The following HDAC9 variants were observed in gnomAD, a reference collection of about 807,000 sequenced individuals.
HDAC9 encodes the protein MEF-2 interacting transcription repressor (MITR) protein.
A neutral mutation model predicts 139.4 loss-of-function variants in HDAC9; 41 were observed. The ratio of observed to expected loss-of-function variants is 0.29; its 90% CI spans 0.23 to 0.38. The LOEUF (loss-of-function observed/expected upper bound fraction) is 0.38, where lower values mean the gene tolerates loss of function less well. Ranked by LOEUF, HDAC9 falls within the 10% of genes least tolerant of loss-of-function variation. The pLI is 1.00. For synonymous variants in HDAC9, 517 were observed against 476.2 expected (o/e 1.09, Z -1.12); for missense variants, 1,147 against 1,297.0 (o/e 0.88, Z 1.78).
At chr7:18,786,642 C>CTTTTCTTTCTTTG (rs1308216298) in intron 16 of HDAC9, among the ~76,000 whole-genome samples, 1 of 116,176 alleles carries the variant, frequency 8.6e-6, no homozygotes, top group African/African-American at 3.5e-5. Flanking sequence ...TCCTTCCTTT[C>CTTTTCTTTCTTTG]TTCCCTCCTT....
chr7:18,587,538 C>T (rs1829800996), intron 3 of HDAC9, among the ~76,000 whole-genome samples: 1 of 152,144 alleles, frequency 6.6e-6, no homozygotes, highest in African/African-American at 2.4e-5. Flanking sequence ...AGATGCATTA[C>T]ATGATGCTTT....
In HDAC9 at chr7:18,666,313, C is replaced by A; in HGVS notation, c.1568C>A (p.Ala523Glu). 1.2e-6 allele frequency: 2 copies of A among 1,613,402 alleles called. No homozygotes were observed. Among genetic ancestry groups the A allele is most frequent in the Non-Finnish European group, 1.7e-6 (2 of 1,179,600 alleles). Residue 523 changes from alanine (A) to glutamate (E), a missense_variant, in exon 12 of 26, where the codon GCG (alanine) becomes GAG (glutamate). This residue lies in a region of HDAC9 where 256 missense variants were observed against 219.2 expected (regional missense o/e 1.17). Coordinates refer to ENST00000686413, the MANE Select transcript of HDAC9 (RefSeq NM_178425.4). Reference sequence around the variant, plus strand: ...GACCAGGCGATGCAGGAAGACAGAGCGCCCTCTAGTGGCAACAGCACTAGG... The same window carrying A: ...GACCAGGCGATGCAGGAAGACAGAGAGCCCTCTAGTGGCAACAGCACTAGG... ...QGDQAMQEDR[A>E]PSSGNSTRSD...
At chr7:18,307,794 C>T (rs543435306) in intron 1 of HDAC9, among the ~76,000 whole-genome samples, 6 of 152,168 alleles carry the variant, frequency 3.9e-5, no homozygotes, top group Non-Finnish European at 8.8e-5. Flanking sequence ...CAGAGTGAGA[C>T]TCTGTCCCAA....
At chr7:18,539,168 A>G (rs1423483113) in intron 2 of HDAC9, among the ~76,000 whole-genome samples, 1 of 152,224 alleles carries the variant, frequency 6.6e-6, no homozygotes, top group Admixed American at 6.5e-5. Context: ...AATGGCACCA[A>G]GTTATCAAGG....
At chr7:18,756,081 C>A (rs990628322) in intron 14 of HDAC9, among the ~76,000 whole-genome samples, 1 of 151,948 alleles carries the variant, frequency 6.6e-6, no homozygotes, top group African/African-American at 2.4e-5. Flanking sequence ...ATCTGGGTGC[C>A]CAAATTGCAC....
intron 2 of HDAC9, among the ~76,000 whole-genome samples, chr7:18,272,913 GCTACTACTACTA>G (rs149171355): frequency 0.046 from 6,582 of 144,528 alleles, 199 homozygotes; most frequent in African/African-American, 0.077. Context: ...CTAGACTACT[GCTACTACTACTA>G]CTACTACTAC....
chr7:18,310,535 A>G (rs931119484), intron 1 of HDAC9, among the ~76,000 whole-genome samples: 8 of 152,176 alleles, frequency 5.3e-5, no homozygotes, highest in Admixed American at 2.0e-4. Flanking sequence ...TCTAATTACA[A>G]TCAGAGGCAT....
intron 17 of HDAC9, among the ~76,000 whole-genome samples, chr7:18,820,339 C>G (rs182905400): frequency 1.3e-5 from 2 of 152,234 alleles, no homozygotes; most frequent in East Asian, 1.9e-4. Context: ...TAGAACACAT[C>G]TTTATGTCAG....
chr7:18,303,311 G>T (rs1269657699), intron 1 of HDAC9, among the ~76,000 whole-genome samples: 8 of 151,654 alleles, frequency 5.3e-5, no homozygotes, highest in Admixed American at 1.3e-4. Context: ...TCCGCCTCCC[G>T]GGTTCCTGCC....
chr7:18,292,955 G>T (rs1427483948), intron 1 of HDAC9, among the ~76,000 whole-genome samples: 1 of 151,984 alleles, frequency 6.6e-6, no homozygotes. Context: ...CACAACTTTG[G>T]AGTTTTTTTT....
intron 2 of HDAC9, among the ~76,000 whole-genome samples, chr7:18,248,408 A>C (rs1584831469): frequency 6.6e-6 from 1 of 152,188 alleles, no homozygotes; most frequent in African/African-American, 2.4e-5. Flanking sequence ...GACATTAAAA[A>C]ATTTTAGAGA....
At chr7:18,696,874 A>G (rs1783093016) in intron 12 of HDAC9, among the ~76,000 whole-genome samples, 1 of 152,042 alleles carries the variant, frequency 6.6e-6, no homozygotes, top group Non-Finnish European at 1.5e-5. Context: ...AACAGAACAG[A>G]ACAGATAGTG....
intron 1 of HDAC9, among the ~76,000 whole-genome samples, chr7:18,311,883 GAAGT>G (rs943360829): frequency 6.6e-6 from 1 of 152,180 alleles, no homozygotes; most frequent in African/African-American, 2.4e-5. Flanking sequence ...TTTGTTTTAG[GAAGT>G]ATTTGTAAAG....
intron 24 of HDAC9, among the ~76,000 whole-genome samples, chr7:18,954,689 T>A (rs1350920435): frequency 1.3e-5 from 2 of 152,036 alleles, no homozygotes; most frequent in African/African-American, 4.8e-5. Context: ...AGTCATAGAC[T>A]TTTTTTATTA....
chr7:18,601,054 A>G (rs78991964), intron 6 of HDAC9, among the ~76,000 whole-genome samples: 10,992 of 152,240 alleles, frequency 0.072, 815 homozygotes, highest in East Asian at 0.33. Flanking sequence ...TGCTGAATCT[A>G]AAGGTCAAGT....
At chr7:18,823,070 G>A (rs1455735632) in intron 17 of HDAC9, among the ~76,000 whole-genome samples, 1 of 152,182 alleles carries the variant, frequency 6.6e-6, no homozygotes, top group Non-Finnish European at 1.5e-5. Context: ...CTATCAAAGA[G>A]GGAGAGAGGA....
chr7:18,699,848 A>G (rs1783330341), intron 12 of HDAC9, among the ~76,000 whole-genome samples: 1 of 152,110 alleles, frequency 6.6e-6, no homozygotes, highest in South Asian at 2.1e-4. Context: ...ACTATTTGGT[A>G]CATTTTCTTC....
intron 17 of HDAC9, among the ~76,000 whole-genome samples, chr7:18,795,257 TAA>T (rs5882676): frequency 0.026 from 1,703 of 65,524 alleles, 18 homozygotes; most frequent in African/African-American, 0.078. Flanking sequence ...AAGAAAACAG[TAA>T]AAAAAAAAAA....
chr7:18,412,588 G>C lies in HDAC9; in HGVS notation c.-41-83674G>C, dbSNP rs78300725. On this transcript the variant is annotated intron_variant, in intron 1 of 3. Coordinates refer to the HDAC9 transcript ENST00000413509. ...TGTTAGATGAGGATCCGGCAGTTCA[G>C]ATGTGTGAAGTAACTTGCTGGCCGT... 6.3e-3 allele frequency among the ~76,000 whole-genome samples: 964 copies of C among 152,292 alleles called. 10 individuals carry two copies. Among genetic ancestry groups the C allele is most frequent in the African/African-American group, 0.022 (928 of 41,558 alleles).
Sources: allele counts gnomAD v4.1 joint callset (sites outside exome capture counted in the v4.1 genomes callset), GRCh38; gene constraint gnomAD v4.1.1; regional missense constraint gnomAD v4.1.1; transcripts MANE v1.5; gene names NCBI Gene and HGNC (gene_info 2026-07-23, HGNC 2026-07-21).